Variants in HS6ST1 observed in about 807,000 individuals in gnomAD.
The protein encoded by HS6ST1 is heparan sulfate 6-O-sulfotransferase 1.
A neutral mutation model predicts 25.2 loss-of-function variants in HS6ST1; 3 were observed. That is an observed-to-expected ratio of 0.12 (90% CI 0.05 to 0.31). The LOEUF is 0.31. HS6ST1 is among the 10% of genes least tolerant of loss of function. The probability of loss-of-function intolerance (pLI) is 1.00; values close to 1 mark genes in which losing one functional copy is unlikely to be tolerated. For missense variants in HS6ST1, 310 were observed against 609.6 expected (o/e 0.51, Z 5.18); for synonymous variants, 204 against 275.1 (o/e 0.74, Z 2.56).
chr2:128,287,323 C>T (rs1342129643), intron 1 of HS6ST1, among the ~76,000 whole-genome samples: 2 of 152,196 alleles, frequency 1.3e-5, no homozygotes, highest in Non-Finnish European at 2.9e-5. Flanking sequence ...AGGCCCCTTC[C>T]CCTGAGATGC....
Position 128,267,814 on chromosome 2 carries a change from C to T in HS6ST1, c.*348G>A, listed in dbSNP as rs1693543910. 1 of 392,128 alleles carries T rather than the reference C, an allele frequency of 2.6e-6. No homozygotes were observed. The highest frequency in any genetic ancestry group is 4.6e-6 in the Non-Finnish European group (1 of 215,816). 24.3% of individuals were successfully genotyped at this position (392,128 alleles called of 1,614,324 possible). ...GGACACACTCCCGGCCTGGCAGGTC[C>T]ACTTTCCGCTGTCCTCGTCTCTTGC... On this transcript the variant is annotated 3_prime_UTR_variant, in exon 2 of 2. Transcript: ENST00000259241.
At chr2:128,289,900 C>T (rs1693927473) in intron 1 of HS6ST1, 2 of 152,208 alleles carry the variant, frequency 1.3e-5, no homozygotes, top group Non-Finnish European at 2.9e-5. Context: ...ATATAAGTCA[C>T]AAATAGCCCG....
chr2:128,313,352 G>T (rs769777210), intron 1 of HS6ST1, among the ~76,000 whole-genome samples: 1 of 152,084 alleles, frequency 6.6e-6, no homozygotes, highest in Non-Finnish European at 1.5e-5. Context: ...GCCAACCAGC[G>T]GTGGCACACT....
intron 1 of HS6ST1, among the ~76,000 whole-genome samples, chr2:128,300,700 C>T (rs1694111844): frequency 2.0e-5 from 3 of 152,214 alleles, no homozygotes; most frequent in Non-Finnish European, 4.4e-5. Context: ...ATGCCCAGGA[C>T]TGGGCCCAAC....
chr2:128,310,347 C>CTG (rs1440568954), intron 1 of HS6ST1, among the ~76,000 whole-genome samples: 4 of 152,236 alleles, frequency 2.6e-5, no homozygotes, highest in African/African-American at 7.2e-5. Flanking sequence ...AGACCACACG[C>CTG]TGTGTGAGTC....
chr2:128,279,093 G>A (rs546730141), intron 1 of HS6ST1, among the ~76,000 whole-genome samples: 13 of 152,190 alleles, frequency 8.5e-5, no homozygotes, highest in Admixed American at 5.2e-4. Flanking sequence ...GGGGCCGGCC[G>A]CACCAGTCCT....
At chr2:128,278,688 G>A (rs1573692939) in intron 1 of HS6ST1, among the ~76,000 whole-genome samples, 2 of 152,192 alleles carry the variant, frequency 1.3e-5, no homozygotes, top group Admixed American at 6.5e-5. Context: ...GGTTCCACGA[G>A]CAAGGGTCTA....
Position 128,268,578 on chromosome 2 carries a change from C to T in HS6ST1, c.820G>A (p.Ala274Thr), listed in dbSNP as rs758738840. 2 of 1,603,756 alleles carry T rather than the reference C, an allele frequency of 1.2e-6. No individual in the cohort carries two copies. The highest frequency in any genetic ancestry group is 3.4e-5 in the Admixed American group (2 of 59,124). Residue 274 changes from alanine (A) to threonine (T), a missense_variant, in exon 2 of 2, where the codon GCC becomes ACC. Around this residue, in one of 5 missense-constraint regions of HS6ST1, gnomAD observed 98 missense variants for 270.3 expected, o/e 0.36. Coordinates refer to ENST00000259241, the MANE Select transcript of HS6ST1 (RefSeq NM_004807.3). Reference protein sequence around the residue: ...NLSFIPEGKRAQLLLESAKKN... With the variant: ...NLSFIPEGKRTQLLLESAKKN... ...TTGGCGCTCTCGAGCAGCAGCTGGGCCCGCTTGCCCTCGGGGATGAAGGAC... is the reference window on the plus strand; with the variant it reads ...TTGGCGCTCTCGAGCAGCAGCTGGGTCCGCTTGCCCTCGGGGATGAAGGAC...
At chr2:128,286,203 A>G (rs1013692016) in intron 1 of HS6ST1, among the ~76,000 whole-genome samples, 1 of 152,178 alleles carries the variant, frequency 6.6e-6, no homozygotes, top group East Asian at 1.9e-4. Flanking sequence ...GAGCTGTGTG[A>G]TCTCACCTTG....
chr2:128,273,314 G>A (rs1157744390), intron 1 of HS6ST1, among the ~76,000 whole-genome samples: 1 of 152,176 alleles, frequency 6.6e-6, no homozygotes, highest in Non-Finnish European at 1.5e-5. Context: ...CCCTTGTTCT[G>A]TCCCCTAGAC....
At chr2:128,299,677 G>C (rs1327982218) in intron 1 of HS6ST1, among the ~76,000 whole-genome samples, 1 of 152,198 alleles carries the variant, frequency 6.6e-6, no homozygotes, top group Non-Finnish European at 1.5e-5. Context: ...CAGAAAGCTG[G>C]GGCACAGAGG....
chr2:128,278,993 G>T (rs916223108), intron 1 of HS6ST1, among the ~76,000 whole-genome samples: 1 of 152,184 alleles, frequency 6.6e-6, no homozygotes, highest in Non-Finnish European at 1.5e-5. Context: ...GACCCAAGAA[G>T]AAATGATTTA....
chr2:128,278,542 C>T (rs1693730503), intron 1 of HS6ST1, among the ~76,000 whole-genome samples: 1 of 152,140 alleles, frequency 6.6e-6, no homozygotes, highest in Non-Finnish European at 1.5e-5. Flanking sequence ...TGTGAGCTGT[C>T]ACAGGGAGTC....
intron 1 of HS6ST1, among the ~76,000 whole-genome samples, chr2:128,294,275 A>G (rs74646397): frequency 0.014 from 2,108 of 152,062 alleles, 58 homozygotes; most frequent in African/African-American, 0.048. Context: ...CAATTCACTG[A>G]CTCTACTGCA....
chr2:128,294,767 G>T (rs1694015107), intron 1 of HS6ST1, among the ~76,000 whole-genome samples: 1 of 151,734 alleles, frequency 6.6e-6, no homozygotes, highest in South Asian at 2.1e-4. Flanking sequence ...CCCAGGCTCT[G>T]GGATTTCCTG....
At chr2:128,278,123 T>G (rs1169828087) in intron 1 of HS6ST1, among the ~76,000 whole-genome samples, 1 of 152,206 alleles carries the variant, frequency 6.6e-6, no homozygotes, top group African/African-American at 2.4e-5. Flanking sequence ...GAGCTCTGAG[T>G]GCCTTCCAGG....
intron 1 of HS6ST1, among the ~76,000 whole-genome samples, chr2:128,306,558 G>A (rs1333511374): frequency 6.6e-6 from 1 of 152,200 alleles, no homozygotes; most frequent in African/African-American, 2.4e-5. Flanking sequence ...CTGCCGCCTA[G>A]GGGCTGTAAA....
chr2:128,275,553 TACTTTAAAAAAATTAAAAGTA>T, intron 1 of HS6ST1, among the ~76,000 whole-genome samples: 1 of 152,302 alleles, frequency 6.6e-6, no homozygotes, highest in African/African-American at 2.4e-5. Context: ...GTGTATGAAT[TACTTTAAAAAAATTAAAAGTA>T]AAAGAAAACG....
chr2:128,291,910 C>T (rs1349992448), intron 1 of HS6ST1, among the ~76,000 whole-genome samples: 4 of 152,348 alleles, frequency 2.6e-5, no homozygotes, highest in South Asian at 2.1e-4. Context: ...TTCCGTCCAA[C>T]ACCCTCCCTG....
Sources: gnomAD v4.1 joint callset for allele counts (sites outside exome capture counted in the v4.1 genomes callset) on GRCh38, gnomAD v4.1.1 for gene constraint, gnomAD v4.1.1 regional missense constraint, MANE v1.5 for transcripts, NCBI Gene and HGNC (gene_info 2026-07-23, HGNC 2026-07-21) for gene names.